Variants in LRRC49 observed in about 807,000 individuals in gnomAD.
LRRC49 encodes the protein leucine rich repeat containing 49, also known as leucine-rich repeat-containing protein 49.
Under a neutral mutation model 83.3 loss-of-function variants are expected in LRRC49, and 50 were observed. That is an observed-to-expected ratio of 0.60 (90% CI 0.48 to 0.76). The LOEUF (loss-of-function observed/expected upper bound fraction) is 0.76. LRRC49 is among the 30% of genes least tolerant of loss of function. The pLI is 0.00. For synonymous variants in LRRC49, 286 were observed against 283.3 expected, an observed-to-expected ratio of 1.01 and a Z score of -0.10; for missense variants, 704 against 809.1, an observed-to-expected ratio of 0.87 and a Z score of 1.58.
At chr15:70,945,167 TCATCTACC>T (rs1482162494) in intron 8 of LRRC49, among the ~76,000 whole-genome samples, 2 of 152,174 alleles carry the variant, frequency 1.3e-5, no homozygotes, top group Non-Finnish European at 2.9e-5. Context: ...GACTTCTATT[TCATCTACC>T]CAGTGAGACC....
At chr15:71,017,179 T>C (rs891290456) in intron 14 of LRRC49, among the ~76,000 whole-genome samples, 1 of 152,124 alleles carries the variant, frequency 6.6e-6, no homozygotes, top group Non-Finnish European at 1.5e-5. Context: ...ATTTACAATG[T>C]TAACAAATTC....
chr15:70,915,612 G>A (rs2415100), intron 6 of LRRC49, among the ~76,000 whole-genome samples: 30,322 of 151,910 alleles, frequency 0.2, 3,241 homozygotes, highest in Middle Eastern at 0.34. Flanking sequence ...CTAAGCTTGC[G>A]CTGACATTAC....
chr15:70,874,990 G>A (rs2033122485), intron 2 of LRRC49, among the ~76,000 whole-genome samples: 1 of 152,208 alleles, frequency 6.6e-6, no homozygotes, highest in Non-Finnish European at 1.5e-5. Context: ...AGAGTTGCAA[G>A]CACATCCAGC....
chr15:71,032,841 A>G (rs942360596), intron 14 of LRRC49, among the ~76,000 whole-genome samples: 5 of 152,154 alleles, frequency 3.3e-5, no homozygotes, highest in African/African-American at 7.2e-5. Context: ...TCAATAAACC[A>G]GGTATTGATG....
chr15:70,944,930 A>G (rs1258335248), intron 8 of LRRC49, among the ~76,000 whole-genome samples: 3 of 152,108 alleles, frequency 2.0e-5, no homozygotes, highest in Non-Finnish European at 4.4e-5. Flanking sequence ...TGGAATTGCA[A>G]TGTCTCCCAG....
intron 14 of LRRC49, among the ~76,000 whole-genome samples, chr15:71,035,882 C>T (rs1284214096): frequency 6.6e-6 from 1 of 152,072 alleles, no homozygotes; most frequent in Admixed American, 6.6e-5. Context: ...TGGGTCAAAT[C>T]GTATTTCTGG....
Position 70,929,139 on chromosome 15 carries a change from C to T in LRRC49, c.712-7622C>T, listed in dbSNP as rs559580819. Among the ~76,000 whole-genome samples, 8 of 152,104 alleles carry T rather than the reference C, an allele frequency of 5.3e-5. No individual in the cohort carries two copies. The East Asian group carries it at 9.7e-4, about 18-fold the overall frequency. ...CATCCATTGAGTTTTTAAAAATGAC[C>T]GTAGTTTTTTCTTTGTAGAAGTTCT... On this transcript the variant is annotated intron_variant, in intron 7 of 15. Transcript: ENST00000260382.
At chr15:70,949,954 G>T (rs1380686413) in intron 8 of LRRC49, among the ~76,000 whole-genome samples, 9 of 152,010 alleles carry the variant, frequency 5.9e-5, no homozygotes, top group Non-Finnish European at 1.0e-4. Flanking sequence ...TCCAAGATAT[G>T]CCTTCCCCTC....
intron 1 of LRRC49, chr15:70,859,993 TG>T: frequency 1.3e-6 from 1 of 755,630 alleles, no homozygotes. Flanking sequence ...GCTCCACCTA[TG>T]GGGACCTCAC....
chr15:70,894,655 A>G (rs539690992), intron 2 of LRRC49: 2 of 1,280,570 alleles, frequency 1.6e-6, no homozygotes. Flanking sequence ...GAAACCTCTA[A>G]CCATCACAAT....
chr15:70,881,481 T>G (rs2033262700), intron 2 of LRRC49: 1 of 152,158 alleles, frequency 6.6e-6, no homozygotes, highest in South Asian at 2.1e-4. Context: ...TAAGAAGACA[T>G]ATGAGGTGTA....
intron 1 of LRRC49, among the ~76,000 whole-genome samples, chr15:70,857,549 A>G (rs2141066780): frequency 6.6e-6 from 1 of 152,320 alleles, no homozygotes; most frequent in South Asian, 2.1e-4. Flanking sequence ...GGGCATTTTT[A>G]TCTACTCATT....
intron 15 of LRRC49, among the ~76,000 whole-genome samples, chr15:71,038,573 T>C (rs547092845): frequency 6.6e-6 from 1 of 152,266 alleles, no homozygotes; most frequent in East Asian, 1.9e-4. Context: ...GAAAACTCAA[T>C]GCAAGACTAT....
chr15:70,996,467 C>A (rs911861977), intron 11 of LRRC49, among the ~76,000 whole-genome samples: 1 of 152,060 alleles, frequency 6.6e-6, no homozygotes, highest in Non-Finnish European at 1.5e-5. Context: ...TCCTCATTCA[C>A]CTGATTTTCC....
At chr15:71,012,671 A>C (rs1477334424) in intron 13 of LRRC49, 133 bp from the exon 14 acceptor site, 1 of 551,318 alleles carries the variant, frequency 1.8e-6, no homozygotes. Flanking sequence ...TCTTCTTTCC[A>C]CAGCACAGGA....
intron 1 of LRRC49, among the ~76,000 whole-genome samples, chr15:70,855,523 G>A (rs2032634990): frequency 6.6e-6 from 1 of 152,062 alleles, no homozygotes; most frequent in Non-Finnish European, 1.5e-5. Context: ...GATATAGAAA[G>A]ACAAGTTAGG....
At chr15:71,011,188 G>A (rs912881258) in intron 13 of LRRC49, among the ~76,000 whole-genome samples, 3 of 152,054 alleles carry the variant, frequency 2.0e-5, no homozygotes, top group Admixed American at 1.3e-4. Context: ...TACTTCCCCC[G>A]AGGTGAGGTT....
At chr15:70,859,006 C>A in intron 1 of LRRC49, 1 of 1,010,114 alleles carries the variant, frequency 9.9e-7, no homozygotes, top group South Asian at 1.3e-5. Flanking sequence ...TCAAGGCCCT[C>A]AACAACAAGT....
At chr15:71,009,753 T>C in intron 12 of LRRC49, 54 bp from the exon 13 acceptor site, 1 of 1,235,942 alleles carries the variant, frequency 8.1e-7, no homozygotes, top group Non-Finnish European at 1.1e-6. Flanking sequence ...ATGTTAATAT[T>C]TCAATATGGT....
Sources: gnomAD v4.1 joint callset for allele counts (sites outside exome capture counted in the v4.1 genomes callset) on GRCh38, gnomAD v4.1.1 for gene constraint, MANE v1.5 for transcripts, NCBI Gene and HGNC (gene_info 2026-07-23, HGNC 2026-07-21) for gene names.